The following BNC2 variants were observed in gnomAD, a reference collection of about 807,000 sequenced individuals.
BNC2 encodes basonuclin zinc finger protein 2.
A neutral mutation model predicts 76.3 loss-of-function variants in BNC2; 20 were observed. The ratio of observed to expected loss-of-function variants is 0.26; its 90% CI spans 0.18 to 0.38. BNC2 has a LOEUF of 0.38. Ranked by LOEUF, BNC2 falls within the 10% of genes least tolerant of loss-of-function variation. The pLI is 1.00. For missense variants in BNC2, 1,382 were observed against 1,399.8 expected (o/e 0.99, Z 0.20); for synonymous variants, 582 against 514.8 (o/e 1.13, Z -1.77).
At chr9:16,694,171 T>C (rs1000513688) in intron 3 of BNC2, among the ~76,000 whole-genome samples, 8 of 152,120 alleles carry the variant, frequency 5.3e-5, no homozygotes, top group Admixed American at 5.2e-4. Context: ...GTTTCCTCCC[T>C]TGCTAAACAA....
chr9:16,520,493 T>C (rs73417447), intron 5 of BNC2, among the ~76,000 whole-genome samples: 5,445 of 152,272 alleles, frequency 0.036, 334 homozygotes, highest in African/African-American at 0.12. Flanking sequence ...TGCAGGTAGT[T>C]GCATGCACAG....
chr9:16,795,814 C>T (rs1000585058), intron 1 of BNC2, among the ~76,000 whole-genome samples: 2 of 152,132 alleles, frequency 1.3e-5, no homozygotes, highest in Non-Finnish European at 1.5e-5. Flanking sequence ...GAAACTAAAA[C>T]GTTTCCAAGT....
chr9:16,680,177 T>C (rs1822780301), intron 3 of BNC2, among the ~76,000 whole-genome samples: 2 of 152,166 alleles, frequency 1.3e-5, no homozygotes, highest in South Asian at 4.1e-4. Flanking sequence ...TTTCCGCCAT[T>C]TACTTAGGTT....
Position 16,436,295 on chromosome 9 carries a change from G to A in BNC2, c.1899C>T (p.Pro633=). ...PSADLAPKKK[P]RKSSMPVKIE... ...TCTTCACAGGCATGCTTGACTTCCTGGGCTTTTTCTTGGGTGCCAGGTCAG... is the reference window on the plus strand; with the variant it reads ...TCTTCACAGGCATGCTTGACTTCCTAGGCTTTTTCTTGGGTGCCAGGTCAG... Residue 633 remains proline (P), a synonymous_variant, in exon 6 of 7, where the codon CCC becomes CCT. Coordinates refer to ENST00000380672, the MANE Select transcript of BNC2 (RefSeq NM_017637.6). 6.2e-7 allele frequency: 1 copy of A among 1,614,130 alleles called. No individual in the cohort carries two copies.
chr9:16,562,836 C>T (rs1001714538), intron 4 of BNC2, among the ~76,000 whole-genome samples: 1 of 152,094 alleles, frequency 6.6e-6, no homozygotes, highest in African/African-American at 2.4e-5. Context: ...TAACATACTT[C>T]TCATTTCATA....
intron 1 of BNC2, among the ~76,000 whole-genome samples, chr9:16,831,949 G>C (rs1473792744): frequency 6.6e-6 from 1 of 152,134 alleles, no homozygotes; most frequent in Non-Finnish European, 1.5e-5. Context: ...ACTTTGAAGA[G>C]TTTACCCATA....
chr9:16,494,407 T>C (rs555882514), intron 5 of BNC2, among the ~76,000 whole-genome samples: 1 of 152,044 alleles, frequency 6.6e-6, no homozygotes, highest in Admixed American at 6.6e-5. Context: ...TGCCTTGGCC[T>C]CCCAAAGTGC....
intron 1 of BNC2, among the ~76,000 whole-genome samples, chr9:16,832,737 C>G (rs1346397814): frequency 6.7e-6 from 1 of 149,218 alleles, no homozygotes; most frequent in Non-Finnish European, 1.5e-5. Context: ...TTTTTTTTTT[C>G]TTTTTTTGAG....
intron 1 of BNC2, among the ~76,000 whole-genome samples, chr9:16,817,228 G>C (rs1176136799): frequency 6.6e-6 from 1 of 152,244 alleles, no homozygotes; most frequent in East Asian, 1.9e-4. Flanking sequence ...GATTTGTGCT[G>C]TAAGGAATAA....
intron 1 of BNC2, among the ~76,000 whole-genome samples, chr9:16,794,777 T>C (rs1817601106): frequency 6.6e-6 from 1 of 152,218 alleles, no homozygotes; most frequent in East Asian, 1.9e-4. Context: ...TTTGGGGGTT[T>C]AGACCTCTCA....
intron 3 of BNC2, among the ~76,000 whole-genome samples, chr9:16,650,199 A>T (rs1448870287): frequency 3.3e-5 from 5 of 152,208 alleles, no homozygotes; most frequent in Non-Finnish European, 5.9e-5. Context: ...TCAAAACAAT[A>T]TTGACTGTCT....
At chr9:16,465,452 A>G (rs1040870192) in intron 5 of BNC2, among the ~76,000 whole-genome samples, 2 of 150,092 alleles carry the variant, frequency 1.3e-5, no homozygotes, top group Non-Finnish European at 3.0e-5. Context: ...AAAAAAAAAA[A>G]GGGTTAATAA....
intron 1 of BNC2, among the ~76,000 whole-genome samples, chr9:16,837,018 C>A (rs1818723010): frequency 6.6e-6 from 1 of 152,102 alleles, no homozygotes; most frequent in South Asian, 2.1e-4. Flanking sequence ...ATCATAAATT[C>A]TCTCCCCACT....
chr9:16,661,926 A>G (rs1442025691), intron 3 of BNC2, among the ~76,000 whole-genome samples: 3 of 152,232 alleles, frequency 2.0e-5, no homozygotes, highest in African/African-American at 7.2e-5. Context: ...CTTAGCATCA[A>G]AGACAAGTGA....
intron 3 of BNC2, among the ~76,000 whole-genome samples, chr9:16,694,481 C>G (rs371733580): frequency 5.9e-5 from 9 of 152,198 alleles, no homozygotes; most frequent in South Asian, 4.2e-4. Context: ...AGCACCTTGG[C>G]CCATTTGACA....
chr9:16,436,899 A>G lies in BNC2; in HGVS notation c.1295T>C (p.Met432Thr). 1.2e-6 allele frequency: 2 copies of G among 1,614,100 alleles called. No individual in the cohort carries two copies. The highest frequency in any genetic ancestry group is 1.7e-6 in the Non-Finnish European group (2 of 1,180,018). The change falls in exon 6 of 7, where the codon ATG becomes ACG. Residue 432 changes from methionine to threonine, a missense_variant. Coordinates refer to ENST00000380672, the MANE Select transcript of BNC2 (RefSeq NM_017637.6). Reference sequence around the variant, plus strand: ...TCTTCCTTTCCTAGAGGCTGACCCCATCCTTCTCATCCGATGAATCCGGAA... The same window carrying G: ...TCTTCCTTTCCTAGAGGCTGACCCCGTCCTTCTCATCCGATGAATCCGGAA... ...SSFRIHRMRR[M>T]GSASRKGRVF...
chr9:16,708,217 C>A (rs769106213), intron 3 of BNC2, among the ~76,000 whole-genome samples: 2 of 152,028 alleles, frequency 1.3e-5, no homozygotes, highest in African/African-American at 4.8e-5. Context: ...GATAACCAGC[C>A]GTGATTTCCA....
At chr9:16,840,264 G>T (rs569131868) in intron 1 of BNC2, among the ~76,000 whole-genome samples, 5 of 152,106 alleles carry the variant, frequency 3.3e-5, no homozygotes, top group Admixed American at 2.6e-4. Context: ...TCTGTGTCCT[G>T]ATCATTTAAC....
intron 3 of BNC2, among the ~76,000 whole-genome samples, chr9:16,605,493 T>C (rs1440257370): frequency 6.6e-6 from 1 of 152,220 alleles, no homozygotes; most frequent in Non-Finnish European, 1.5e-5. Context: ...CTACCTACTC[T>C]CTAAACCACT....
Sources: gnomAD v4.1 joint callset for allele counts (sites outside exome capture counted in the v4.1 genomes callset) on GRCh38, gnomAD v4.1.1 for gene constraint, MANE v1.5 for transcripts, NCBI Gene and HGNC (gene_info 2026-07-23, HGNC 2026-07-21) for gene names.